The following DLG2 variants were observed in gnomAD, a reference collection of about 807,000 sequenced individuals.
DLG2 encodes the protein disks large homolog 2.
Under a neutral mutation model 132.5 loss-of-function variants are expected in DLG2, and 45 were observed. The ratio of observed to expected loss-of-function variants is 0.34; its 90% confidence interval spans 0.27 to 0.44. The LOEUF is 0.44. Among genes scored for constraint, DLG2 ranks in the 20% least tolerant of loss-of-function variants. The probability of loss-of-function intolerance (pLI) is 1.00; values close to 1 mark genes in which losing one functional copy is unlikely to be tolerated. For missense variants in DLG2, 1,045 were observed against 1,196.9 expected, an observed-to-expected ratio of 0.87 and a Z score of 1.87; for synonymous variants, 424 against 419.6, an observed-to-expected ratio of 1.01 and a Z score of -0.13.
At chr11:84,274,328 G>A (rs2097765159) in intron 7 of DLG2, among the ~76,000 whole-genome samples, 1 of 152,106 alleles carries the variant, frequency 6.6e-6, no homozygotes, top group African/African-American at 2.4e-5. Flanking sequence ...TACTCTAAGG[G>A]CTGGTTGCAC....
chr11:83,791,029 A>G (rs901868335), intron 17 of DLG2: 41 of 754,640 alleles, frequency 5.4e-5, no homozygotes, highest in Non-Finnish European at 9.1e-5. Flanking sequence ...TGTTCCTGGC[A>G]CGCGGTCTCA....
At chr11:84,203,463 T>A (rs938238659) in intron 8 of DLG2, among the ~76,000 whole-genome samples, 5 of 151,780 alleles carry the variant, frequency 3.3e-5, no homozygotes, top group African/African-American at 1.2e-4. Flanking sequence ...GTGCCTGTAG[T>A]TCCAGCTACT....
At chr11:85,535,427 T>C (rs1286532477) in intron 3 of DLG2, among the ~76,000 whole-genome samples, 1 of 152,156 alleles carries the variant, frequency 6.6e-6, no homozygotes, top group Non-Finnish European at 1.5e-5. Flanking sequence ...CAGTTTGCTC[T>C]TAATAATTTT....
At chr11:84,222,083 A>G (rs1051909300) in intron 8 of DLG2, among the ~76,000 whole-genome samples, 6 of 152,054 alleles carry the variant, frequency 3.9e-5, no homozygotes, top group Non-Finnish European at 8.8e-5. Flanking sequence ...CCCAGGCTGG[A>G]GTGCAATGGT....
At chr11:85,267,742 T>C in intron 4 of DLG2, among the ~76,000 whole-genome samples, 1 of 152,334 alleles carries the variant, frequency 6.6e-6, no homozygotes, top group Non-Finnish European at 1.5e-5. Context: ...TTCTAAAATA[T>C]ACATAATTCT....
At chr11:84,094,206 C>T (rs1185559435) in intron 10 of DLG2, among the ~76,000 whole-genome samples, 1 of 152,048 alleles carries the variant, frequency 6.6e-6, no homozygotes, top group East Asian at 1.9e-4. Flanking sequence ...GCTTAACCTA[C>T]CAGTTCCTCA....
intron 2 of DLG2, among the ~76,000 whole-genome samples, chr11:85,608,063 T>C (rs2080718777): frequency 6.6e-6 from 1 of 152,180 alleles, no homozygotes; most frequent in African/African-American, 2.4e-5. Context: ...AAATCCGACC[T>C]TCCTTGGTCC....
chr11:83,796,900 G>C (rs2042953127), intron 17 of DLG2, among the ~76,000 whole-genome samples: 1 of 152,188 alleles, frequency 6.6e-6, no homozygotes, highest in Admixed American at 6.5e-5. Flanking sequence ...TGGGCGGTAA[G>C]TGCTAGCACA....
chr11:84,583,163 T>G (rs998587753), intron 6 of DLG2, among the ~76,000 whole-genome samples: 1 of 152,228 alleles, frequency 6.6e-6, no homozygotes, highest in Admixed American at 6.5e-5. Context: ...GTCCCAGATC[T>G]TTCAATTCCA....
At chr11:85,133,090 C>T (rs556077073) in intron 5 of DLG2, 46 of 331,204 alleles carry the variant, frequency 1.4e-4, no homozygotes, top group Middle Eastern at 2.2e-3. Flanking sequence ...TTGATTGGAA[C>T]AAGGCTCCTG....
intron 3 of DLG2, among the ~76,000 whole-genome samples, chr11:85,565,813 T>C (rs1598566983): frequency 6.6e-6 from 1 of 152,286 alleles, no homozygotes; most frequent in East Asian, 1.9e-4. Flanking sequence ...CTATGAACAT[T>C]AGTTTACACA....
At chr11:84,490,406 T>G (rs992276300) in intron 7 of DLG2, among the ~76,000 whole-genome samples, 1 of 152,024 alleles carries the variant, frequency 6.6e-6, no homozygotes, top group Non-Finnish European at 1.5e-5. Context: ...TCCATTATTG[T>G]AAAAGTACCA....
chr11:85,114,601 C>G (rs993212118), intron 5 of DLG2, among the ~76,000 whole-genome samples: 1 of 151,990 alleles, frequency 6.6e-6, no homozygotes, highest in African/African-American at 2.4e-5. Context: ...CTTTTAAAAA[C>G]AGACAGGTTG....
chr11:85,203,001 C>G (rs2081580812), intron 4 of DLG2, among the ~76,000 whole-genome samples: 1 of 150,386 alleles, frequency 6.6e-6, no homozygotes, highest in South Asian at 2.1e-4. Context: ...TAAGAACAAA[C>G]CCAACTTATA....
chr11:85,495,034 G>C (rs1432592032), intron 3 of DLG2, among the ~76,000 whole-genome samples: 2 of 151,930 alleles, frequency 1.3e-5, no homozygotes, highest in Non-Finnish European at 2.9e-5. Context: ...GTGGTCAAGA[G>C]ACTTAAACAG....
chr11:85,080,402 A>G (rs895711454), intron 6 of DLG2, among the ~76,000 whole-genome samples: 2 of 152,160 alleles, frequency 1.3e-5, no homozygotes, highest in African/African-American at 4.8e-5. Flanking sequence ...TGACAGGTAA[A>G]GAAAACTCAT....
chr11:85,068,831 A>C lies in DLG2; in HGVS notation c.357+42830T>G, dbSNP rs921441129. 2.1e-3 allele frequency among the ~76,000 whole-genome samples: 313 copies of C among 152,098 alleles called. 1 individual carries two copies. Among genetic ancestry groups the C allele is most frequent in the African/African-American group, 7.0e-3 (292 of 41,524 alleles). On this transcript the variant is annotated intron_variant, in intron 6 of 27. Coordinates refer to ENST00000376104, the MANE Select transcript of DLG2 (RefSeq NM_001142699.3). ...AAGTTCATATGGAACCAAAAAAGAG[A>C]CCGCATTGCCAAGAAAATCCTAAGC...
chr11:83,680,096 T>C (rs2078494859), intron 18 of DLG2, among the ~76,000 whole-genome samples: 1 of 152,202 alleles, frequency 6.6e-6, no homozygotes, highest in Non-Finnish European at 1.5e-5. Context: ...TAAATTTAAT[T>C]GGGAATAACT....
rs149319148 is a variant in DLG2, at chr11:84,439,591, C to T, written c.519+94979G>A. ...AAATTTATCCATATTATACCCTGTACTCTCTGGAGGAAAAGTGCCACAGAA... is the reference window on the plus strand; with the variant it reads ...AAATTTATCCATATTATACCCTGTATTCTCTGGAGGAAAAGTGCCACAGAA... On this transcript the variant is annotated intron_variant, in intron 7 of 27. Coordinates refer to ENST00000376104, the MANE Select transcript of DLG2 (RefSeq NM_001142699.3). Among the ~76,000 whole-genome samples the T allele has an allele frequency of 1.7e-3, 258 of 152,308 alleles. 1 individual carries two copies. The highest frequency in any genetic ancestry group is 6.1e-3 in the African/African-American group (252 of 41,570).
Sources: allele counts gnomAD v4.1 joint callset (sites outside exome capture counted in the v4.1 genomes callset), GRCh38; gene constraint gnomAD v4.1.1; transcripts MANE v1.5; gene names NCBI Gene and HGNC (gene_info 2026-07-23, HGNC 2026-07-21).